Variants in SWAP70 observed in about 807,000 individuals in gnomAD.
SWAP70 encodes switch-associated protein 70.
A neutral mutation model predicts 80.2 loss-of-function variants in SWAP70; 34 were observed. That is an observed-to-expected ratio of 0.42 (90% confidence interval 0.32 to 0.56). The LOEUF (loss-of-function observed/expected upper bound fraction) is 0.56, where lower values mean the gene tolerates loss of function less well. SWAP70 is among the 20% of genes least tolerant of loss of function. The probability of loss-of-function intolerance (pLI) is 0.09; values close to 1 mark genes in which losing one functional copy is unlikely to be tolerated. For missense variants in SWAP70, 578 were observed against 690.7 expected (o/e 0.84, Z 1.83); for synonymous variants, 239 against 238.5 (o/e 1.00, Z -0.02).
intron 3 of SWAP70, among the ~76,000 whole-genome samples, chr11:9,723,985 G>T (rs1379717025): frequency 2.6e-5 from 4 of 152,186 alleles, no homozygotes; most frequent in Admixed American, 2.6e-4. Context: ...TGTTGGCCAG[G>T]CTGGTCTTGA....
chr11:9,693,202 T>C (rs1463485461), intron 1 of SWAP70, among the ~76,000 whole-genome samples: 1 of 152,242 alleles, frequency 6.6e-6, no homozygotes, highest in East Asian at 1.9e-4. Flanking sequence ...AGATTCTCTG[T>C]TGAAGAAAAT....
chr11:9,666,642 A>T (rs549550343), intron 1 of SWAP70, among the ~76,000 whole-genome samples: 2 of 152,178 alleles, frequency 1.3e-5, no homozygotes, highest in African/African-American at 4.8e-5. Context: ...TTTTGCTTTC[A>T]ACCATCATTT....
intron 1 of SWAP70, among the ~76,000 whole-genome samples, chr11:9,670,166 C>A (rs921160806): frequency 6.6e-6 from 1 of 151,764 alleles, no homozygotes; most frequent in African/African-American, 2.4e-5. Context: ...TGCAATAGCC[C>A]CGATAAGAGG....
intron 1 of SWAP70, among the ~76,000 whole-genome samples, chr11:9,693,322 G>A (rs1414434388): frequency 6.6e-6 from 1 of 152,172 alleles, no homozygotes; most frequent in Non-Finnish European, 1.5e-5. Context: ...TAATACTAAG[G>A]TAGCCCACAC....
Position 9,738,107 on chromosome 11 carries a change from T to G in SWAP70, c.1081-106T>G, listed in dbSNP as rs143721429. On this transcript the variant is annotated intron_variant, in intron 7 of 11. Transcript: ENST00000318950. ...TTATTCTATTATCTTTATTGAATGT[T>G]AAGAATGTTTGGCTTTTCCTGTACT... 2,461 of 633,082 alleles carry G rather than the reference T, an allele frequency of 3.9e-3. 11 individuals carry two copies. The highest frequency in any genetic ancestry group is 5.6e-3 in the Admixed American group (148 of 26,222). The allele number at this position is 633,082 out of a possible 1,614,324, so 39.2% of individuals were successfully genotyped here. A position where few individuals can be genotyped will look rare whatever the true frequency, so the allele number is the denominator to read the frequency against.
chr11:9,696,758 T>C (rs1833128293), intron 2 of SWAP70, among the ~76,000 whole-genome samples: 1 of 152,220 alleles, frequency 6.6e-6, no homozygotes, highest in Non-Finnish European at 1.5e-5. Context: ...AATTCCTCCT[T>C]TTGCCTATTT....
chr11:9,739,244 T>G (rs944326889), intron 8 of SWAP70, among the ~76,000 whole-genome samples: 2 of 152,228 alleles, frequency 1.3e-5, no homozygotes, highest in African/African-American at 4.8e-5. Flanking sequence ...CATTGAGTGA[T>G]ACTCTGTCAG....
intron 6 of SWAP70, among the ~76,000 whole-genome samples, chr11:9,729,952 T>C (rs1193869242): frequency 6.6e-6 from 1 of 152,212 alleles, no homozygotes; most frequent in Non-Finnish European, 1.5e-5. Context: ...GAACTTTGGG[T>C]AAATTATAAA....
At chr11:9,719,649 C>T (rs972437440) in intron 3 of SWAP70, among the ~76,000 whole-genome samples, 2 of 152,166 alleles carry the variant, frequency 1.3e-5, no homozygotes, top group Non-Finnish European at 2.9e-5. Flanking sequence ...TAAGATGTTT[C>T]TGTCACATAG....
intron 1 of SWAP70, among the ~76,000 whole-genome samples, chr11:9,666,714 T>C (rs1850311114): frequency 1.4e-5 from 2 of 142,860 alleles, no homozygotes; most frequent in South Asian, 4.5e-4. Flanking sequence ...TATTCCCAGA[T>C]GACCTCTTAA....
At chr11:9,683,963 G>A (rs1215127920) in intron 1 of SWAP70, among the ~76,000 whole-genome samples, 1 of 152,084 alleles carries the variant, frequency 6.6e-6, no homozygotes, top group Non-Finnish European at 1.5e-5. Flanking sequence ...AGAAGGTGGG[G>A]CAGCCGAGGG....
intron 1 of SWAP70, among the ~76,000 whole-genome samples, chr11:9,681,869 T>C (rs1429396332): frequency 1.3e-5 from 2 of 152,156 alleles, no homozygotes; most frequent in Admixed American, 1.3e-4. Context: ...GAGAATACTA[T>C]GATGAAAGAT....
At chr11:9,671,121 A>G (rs1013419693) in intron 1 of SWAP70, among the ~76,000 whole-genome samples, 5 of 135,026 alleles carry the variant, frequency 3.7e-5, no homozygotes, top group South Asian at 2.1e-4. Context: ...AAAAATATAT[A>G]TAAATATATT....
chr11:9,711,475 T>C (rs1850997871), intron 2 of SWAP70, among the ~76,000 whole-genome samples: 1 of 152,168 alleles, frequency 6.6e-6, no homozygotes, highest in Admixed American at 6.5e-5. Context: ...AGAGTCTTGG[T>C]GGGGAACAGG....
chr11:9,725,446 G>A (rs543343199), intron 4 of SWAP70, among the ~76,000 whole-genome samples: 1 of 145,638 alleles, frequency 6.9e-6, no homozygotes, highest in Non-Finnish European at 1.5e-5. Context: ...CACTTTGGGA[G>A]GCTGAGGCGG....
At chr11:9,743,820 G>A (rs1851474733) in intron 9 of SWAP70, among the ~76,000 whole-genome samples, 1 of 151,682 alleles carries the variant, frequency 6.6e-6, no homozygotes, top group Non-Finnish European at 1.5e-5. Flanking sequence ...TGGAATATTT[G>A]GAATCTCATT....
Position 9,750,109 on chromosome 11 carries a change from G to A in SWAP70, c.*139G>A, listed in dbSNP as rs191655024. ...TCCCAGCACTTTGGGAGGCCGAGGCGGGTGGATCACCTGAGGTCAGGAGTT... is the reference window on the plus strand; with the variant it reads ...TCCCAGCACTTTGGGAGGCCGAGGCAGGTGGATCACCTGAGGTCAGGAGTT... On this transcript the variant is annotated 3_prime_UTR_variant, in exon 12 of 12. Transcript: ENST00000318950. 1.8e-4 allele frequency: 91 copies of A among 504,216 alleles called. No homozygotes were observed. In the East Asian group the frequency reaches 2.7e-3, roughly 15 times the overall value. The allele number at this position is 504,216 out of a possible 1,614,324, so 31.2% of individuals were successfully genotyped here. A position where few individuals can be genotyped will look rare whatever the true frequency, so the allele number is the denominator to read the frequency against.
At chr11:9,695,600 A>G (rs1850746285) in intron 2 of SWAP70, among the ~76,000 whole-genome samples, 1 of 139,116 alleles carries the variant, frequency 7.2e-6, no homozygotes, top group African/African-American at 2.6e-5. Flanking sequence ...GGGGGGAACA[A>G]CAGACACCAG....
intron 2 of SWAP70, among the ~76,000 whole-genome samples, chr11:9,704,254 A>G (rs1292029931): frequency 2.6e-5 from 4 of 152,160 alleles, no homozygotes; most frequent in African/African-American, 7.2e-5. Context: ...GTGCAAACAC[A>G]CTGGTCAATT....
Sources: gnomAD v4.1 joint callset for allele counts (sites outside exome capture counted in the v4.1 genomes callset) on GRCh38, gnomAD v4.1.1 for gene constraint, MANE v1.5 for transcripts, NCBI Gene and HGNC (gene_info 2026-07-23, HGNC 2026-07-21) for gene names.